The following HS3ST4 variants were observed in gnomAD, a reference collection of about 807,000 sequenced individuals.
The protein encoded by HS3ST4 is heparan sulfate glucosamine 3-O-sulfotransferase 4.
A neutral mutation model predicts 29.2 loss-of-function variants in HS3ST4; 17 were observed. That is an observed-to-expected ratio of 0.58 (90% CI 0.40 to 0.87). The LOEUF (loss-of-function observed/expected upper bound fraction) is 0.87, where lower values mean the gene tolerates loss of function less well. Among genes scored for constraint, HS3ST4 ranks in the 40% least tolerant of loss-of-function variants. The pLI is 0.00. For missense variants in HS3ST4, 627 were observed against 634.5 expected, an observed-to-expected ratio of 0.99 and a Z score of 0.13; for synonymous variants, 314 against 285.7, an observed-to-expected ratio of 1.10 and a Z score of -1.00.
At chr16:25,701,563 T>C (rs1280110317) in intron 1 of HS3ST4, among the ~76,000 whole-genome samples, 2 of 152,220 alleles carry the variant, frequency 1.3e-5, no homozygotes, top group Non-Finnish European at 2.9e-5. Context: ...GCCAGGCATA[T>C]GATCTCTCTA....
At chr16:26,126,210 A>G (rs1286234985) in intron 1 of HS3ST4, among the ~76,000 whole-genome samples, 5 of 152,208 alleles carry the variant, frequency 3.3e-5, no homozygotes, top group Admixed American at 2.6e-4. Flanking sequence ...AATGTTGGCC[A>G]GAAGGTCTTC....
At chr16:26,096,582 G>A (rs1898929005) in intron 1 of HS3ST4, among the ~76,000 whole-genome samples, 1 of 152,112 alleles carries the variant, frequency 6.6e-6, no homozygotes, top group South Asian at 2.1e-4. Flanking sequence ...ACTAGATATT[G>A]ATAGAACGTA....
chr16:26,088,809 C>T (rs1567309586), intron 1 of HS3ST4, among the ~76,000 whole-genome samples: 1 of 152,168 alleles, frequency 6.6e-6, no homozygotes, highest in Non-Finnish European at 1.5e-5. Context: ...ATGAGGTCCT[C>T]CTGTGTTCTC....
At chr16:26,067,120 T>G (rs958658821) in intron 1 of HS3ST4, among the ~76,000 whole-genome samples, 1 of 152,148 alleles carries the variant, frequency 6.6e-6, no homozygotes, top group Non-Finnish European at 1.5e-5. Flanking sequence ...GGTTTGTCCC[T>G]CATCATCTCT....
chr16:25,786,389 G>C (rs1261608124), intron 1 of HS3ST4, among the ~76,000 whole-genome samples: 1 of 152,168 alleles, frequency 6.6e-6, no homozygotes, highest in South Asian at 2.1e-4. Context: ...TGCCTTAAAG[G>C]GTTGAGAGGA....
At chr16:25,862,895 A>C (rs1231332738) in intron 1 of HS3ST4, among the ~76,000 whole-genome samples, 2 of 152,106 alleles carry the variant, frequency 1.3e-5, no homozygotes, top group Middle Eastern at 3.4e-3. Context: ...AGCCCCACCC[A>C]CTGTGTCTGA....
At chr16:25,785,530 T>C (rs1393569696) in intron 1 of HS3ST4, among the ~76,000 whole-genome samples, 1 of 152,166 alleles carries the variant, frequency 6.6e-6, no homozygotes, top group East Asian at 1.9e-4. Context: ...GCTACAAAGG[T>C]AAATTGTGGC....
intron 1 of HS3ST4, among the ~76,000 whole-genome samples, chr16:26,072,694 T>C (rs1047390454): frequency 1.3e-4 from 20 of 152,228 alleles, no homozygotes; most frequent in Non-Finnish European, 4.4e-5. Flanking sequence ...AATCTTTGAG[T>C]TATTTTTTGT....
intron 1 of HS3ST4, among the ~76,000 whole-genome samples, chr16:25,733,888 G>T (rs1330941336): frequency 6.6e-6 from 1 of 152,222 alleles, no homozygotes. Flanking sequence ...GGAGGCAGAA[G>T]CAGGCAGATC....
intron 1 of HS3ST4, among the ~76,000 whole-genome samples, chr16:26,088,089 A>G (rs1198630901): frequency 6.6e-6 from 1 of 152,166 alleles, no homozygotes; most frequent in East Asian, 1.9e-4. Context: ...GAGAGCCTCA[A>G]TTCCTGCCTC....
intron 1 of HS3ST4, among the ~76,000 whole-genome samples, chr16:25,814,994 C>A (rs537318728): frequency 6.6e-6 from 1 of 152,182 alleles, no homozygotes; most frequent in African/African-American, 2.4e-5. Context: ...AGAAATTAGA[C>A]CTGCAGGATT....
intron 1 of HS3ST4, among the ~76,000 whole-genome samples, chr16:26,133,139 T>C (rs1899441591): frequency 6.6e-6 from 1 of 152,204 alleles, no homozygotes; most frequent in African/African-American, 2.4e-5. Context: ...AGTATTTTTT[T>C]TTTCCTTGCC....
At chr16:25,841,125 C>T (rs1596587658) in intron 1 of HS3ST4, among the ~76,000 whole-genome samples, 1 of 151,834 alleles carries the variant, frequency 6.6e-6, no homozygotes, top group Non-Finnish European at 1.5e-5. Flanking sequence ...CCTGCCTCAG[C>T]CTCCCAAGTA....
At chr16:25,772,362 C>G (rs1243583559) in intron 1 of HS3ST4, among the ~76,000 whole-genome samples, 1 of 152,168 alleles carries the variant, frequency 6.6e-6, no homozygotes, top group Non-Finnish European at 1.5e-5. Context: ...TACAGTAGAG[C>G]TATGGTTATG....
intron 1 of HS3ST4, among the ~76,000 whole-genome samples, chr16:26,095,995 G>A (rs993005469): frequency 2.0e-5 from 3 of 152,184 alleles, no homozygotes; most frequent in African/African-American, 7.2e-5. Context: ...ACGCCTCTAT[G>A]CAAATAAATT....
In HS3ST4 at chr16:26,085,509, C is replaced by CAT. The variant is rs72260674; in HGVS notation, c.735-50090_735-50089dup. 2.7e-4 allele frequency among the ~76,000 whole-genome samples: 31 copies of CAT among 113,610 alleles called. No individual in the cohort carries two copies. The Middle Eastern group carries it at 0.016, about 59-fold the overall frequency. 74.5% of individuals were successfully genotyped at this position (113,610 alleles called of 152,430 possible). Reference sequence around the variant, plus strand: ...ATTAGCTAATCAGTCCTATGAAAAACATATATATATATATGTTATAAAAAC... The same window carrying CAT: ...ATTAGCTAATCAGTCCTATGAAAAACATATATATATATATATGTTATAAAAAC... On this transcript the variant is annotated intron_variant, in intron 1 of 1. Coordinates refer to ENST00000331351, the MANE Select transcript of HS3ST4 (RefSeq NM_006040.3).
chr16:25,964,509 A>G (rs561895928), intron 1 of HS3ST4, among the ~76,000 whole-genome samples: 2 of 152,302 alleles, frequency 1.3e-5, no homozygotes, highest in South Asian at 2.1e-4. Context: ...GCGCAGGGCA[A>G]CCCTATAAGG....
At chr16:25,875,211 T>C (rs1967817220) in intron 1 of HS3ST4, among the ~76,000 whole-genome samples, 1 of 152,146 alleles carries the variant, frequency 6.6e-6, no homozygotes, top group Non-Finnish European at 1.5e-5. Flanking sequence ...TTCAGCTTTA[T>C]CTGAAATTGT....
At chr16:25,819,465 A>C (rs941153171) in intron 1 of HS3ST4, among the ~76,000 whole-genome samples, 1 of 152,130 alleles carries the variant, frequency 6.6e-6, no homozygotes, top group Non-Finnish European at 1.5e-5. Context: ...TGGAAGTCTT[A>C]AGCCCCTTCC....
Sources: allele counts gnomAD v4.1 joint callset (sites outside exome capture counted in the v4.1 genomes callset), GRCh38; gene constraint gnomAD v4.1.1; transcripts MANE v1.5; gene names NCBI Gene and HGNC (gene_info 2026-07-23, HGNC 2026-07-21).